The following NDST4 variants were observed in gnomAD, a reference collection of about 807,000 sequenced individuals.
The protein encoded by NDST4 is N-heparan sulfate sulfotransferase 4.
NDST4 carries 63 observed loss-of-function variants against 100.8 expected under a neutral mutation model. The ratio of observed to expected loss-of-function variants is 0.62; its 90% CI spans 0.51 to 0.77. NDST4 has a LOEUF of 0.77. NDST4 is among the 30% of genes least tolerant of loss of function. The probability of loss-of-function intolerance (pLI) is 0.00; values close to 1 mark genes in which losing one functional copy is unlikely to be tolerated. For missense variants in NDST4, 943 were observed against 1,018.4 expected (o/e 0.93, Z 1.01); for synonymous variants, 377 against 361.8 (o/e 1.04, Z -0.48).
chr4:114,842,648 A>AAAAAAAAAAAAAAG (rs1723452866), intron 10 of NDST4: 1 of 271,134 alleles, frequency 3.7e-6, no homozygotes, highest in Non-Finnish European at 6.9e-6. Flanking sequence ...AAAAAAAAAA[A>AAAAAAAAAAAAAAG]AAATTAGCCA....
intron 2 of NDST4, among the ~76,000 whole-genome samples, chr4:115,021,943 A>G (rs1314898131): frequency 6.6e-6 from 1 of 152,044 alleles, no homozygotes; most frequent in African/African-American, 2.4e-5. Flanking sequence ...CATTCCATAT[A>G]TATAGTTCCA....
At chr4:114,838,424 C>T (rs1217533642) in intron 11 of NDST4, among the ~76,000 whole-genome samples, 1 of 152,076 alleles carries the variant, frequency 6.6e-6, no homozygotes. Context: ...CAGCCCAATG[C>T]CCATCAATTT....
At chr4:115,083,661 G>T (rs991735819) in intron 1 of NDST4, among the ~76,000 whole-genome samples, 3 of 152,038 alleles carry the variant, frequency 2.0e-5, no homozygotes, top group South Asian at 2.1e-4. Context: ...GGGACCTGTT[G>T]GGAGGTAATT....
At chr4:114,886,726 T>C (rs958108827) in intron 6 of NDST4, among the ~76,000 whole-genome samples, 1 of 151,978 alleles carries the variant, frequency 6.6e-6, no homozygotes, top group Non-Finnish European at 1.5e-5. Context: ...CTTTATTCAA[T>C]AAGAAAATAA....
At chr4:114,991,167 T>C (rs1727030482) in intron 2 of NDST4, among the ~76,000 whole-genome samples, 1 of 152,092 alleles carries the variant, frequency 6.6e-6, no homozygotes, top group African/African-American at 2.4e-5. Flanking sequence ...TTCTCAAGAC[T>C]ATAGACAGTC....
intron 6 of NDST4, among the ~76,000 whole-genome samples, chr4:114,891,264 T>C (rs1463912490): frequency 6.6e-6 from 1 of 152,096 alleles, no homozygotes; most frequent in Admixed American, 6.6e-5. Context: ...TTATACAATA[T>C]CCTCTTCTAA....
chr4:114,878,746 A>C (rs1724307919), intron 6 of NDST4, among the ~76,000 whole-genome samples: 1 of 152,052 alleles, frequency 6.6e-6, no homozygotes, highest in Non-Finnish European at 1.5e-5. Flanking sequence ...AAAATGAAAA[A>C]CATTGTATAT....
At chr4:114,953,020 C>CTT (rs201567077) in intron 4 of NDST4, among the ~76,000 whole-genome samples, 1 of 135,930 alleles carries the variant, frequency 7.4e-6, no homozygotes, top group African/African-American at 2.8e-5. Flanking sequence ...CATTTTTTTT[C>CTT]TTTTTTTTTT....
intron 6 of NDST4, among the ~76,000 whole-genome samples, chr4:114,915,375 A>G (rs1276302138): frequency 6.6e-6 from 1 of 152,198 alleles, no homozygotes; most frequent in Non-Finnish European, 1.5e-5. Context: ...TACACCAGGT[A>G]GGATGCAAAA....
Position 114,929,041 on chromosome 4 carries a change from TGTCCGTCCGTCCGTCC to T in NDST4, c.1536+6149_1536+6164del, listed in dbSNP as rs1227310987. 2.5e-3 allele frequency among the ~76,000 whole-genome samples: 309 copies of T among 121,990 alleles called. 1 individual carries two copies. The highest frequency in any genetic ancestry group is 1.0e-2 in the South Asian group (30 of 3,008). The allele number at this position is 121,990 out of a possible 152,430, so 80.0% of individuals were successfully genotyped here. A position where few individuals can be genotyped will look rare whatever the true frequency, so the allele number is the denominator to read the frequency against. ...CTATCTATCTGTCTGTCTGTCTGTC[TGTCCGTCCGTCCGTCC>T]GTCCGTCCGTCCGTCCGTCCATCCA... On this transcript the variant is annotated intron_variant, in intron 6 of 13. Transcript: ENST00000264363.
intron 2 of NDST4, among the ~76,000 whole-genome samples, chr4:114,981,357 ATGTGT>A (rs1726768622): frequency 6.6e-6 from 1 of 152,166 alleles, no homozygotes; most frequent in Admixed American, 6.5e-5. Context: ...AAACTTTATT[ATGTGT>A]ACAATTTTCT....
intron 2 of NDST4, among the ~76,000 whole-genome samples, chr4:114,994,813 TA>T (rs1727125019): frequency 6.6e-6 from 1 of 152,026 alleles, no homozygotes; most frequent in African/African-American, 2.4e-5. Flanking sequence ...TTTTTCCTGT[TA>T]ATTAATCAAC....
chr4:114,952,132 A>C (rs1282797445), intron 4 of NDST4, among the ~76,000 whole-genome samples: 1 of 152,126 alleles, frequency 6.6e-6, no homozygotes, highest in African/African-American at 2.4e-5. Context: ...GTAAAGCAGA[A>C]AGAATGATTT....
At chr4:114,987,319 T>C (rs1726936352) in intron 2 of NDST4, among the ~76,000 whole-genome samples, 1 of 152,182 alleles carries the variant, frequency 6.6e-6, no homozygotes, top group Non-Finnish European at 1.5e-5. Flanking sequence ...TTTGCATTTG[T>C]TGCAACTTTA....
intron 2 of NDST4, among the ~76,000 whole-genome samples, chr4:115,048,831 G>T (rs1728520597): frequency 6.6e-6 from 1 of 151,920 alleles, no homozygotes; most frequent in African/African-American, 2.4e-5. Flanking sequence ...TAGAGACGGG[G>T]TTTCAACATG....
intron 2 of NDST4, among the ~76,000 whole-genome samples, chr4:115,040,026 T>C (rs996452785): frequency 6.6e-6 from 1 of 151,954 alleles, no homozygotes; most frequent in African/African-American, 2.4e-5. Context: ...TACACACACA[T>C]ACTTGTTTTT....
intron 1 of NDST4, among the ~76,000 whole-genome samples, chr4:115,089,015 G>A (rs1190217822): frequency 6.6e-6 from 1 of 151,972 alleles, no homozygotes; most frequent in Non-Finnish European, 1.5e-5. Context: ...ATTTAGAATT[G>A]AATCTTCTGC....
intron 2 of NDST4, among the ~76,000 whole-genome samples, chr4:114,984,003 C>A (rs984556618): frequency 3.3e-5 from 5 of 152,138 alleles, no homozygotes; most frequent in Admixed American, 2.0e-4. Context: ...ATGTGCCTTG[C>A]TTCCCCTTTG....
intron 2 of NDST4, among the ~76,000 whole-genome samples, chr4:115,021,999 CAT>C (rs1368370879): frequency 6.6e-6 from 1 of 151,504 alleles, no homozygotes; most frequent in Non-Finnish European, 1.5e-5. Context: ...CTATATATTC[CAT>C]ATATATGTTC....
Sources: gnomAD v4.1 joint callset for allele counts (sites outside exome capture counted in the v4.1 genomes callset) on GRCh38, gnomAD v4.1.1 for gene constraint, MANE v1.5 for transcripts, NCBI Gene and HGNC (gene_info 2026-07-23, HGNC 2026-07-21) for gene names.